TMEM67: variants seen among roughly 807,000 people sequenced by gnomAD.
The protein encoded by TMEM67 is transmembrane protein 67.
A neutral mutation model predicts 136.6 loss-of-function variants in TMEM67; 124 were observed. That is an observed-to-expected ratio of 0.91 (90% CI 0.78 to 1.05). The LOEUF is 1.05. TMEM67 is among the 50% of genes least tolerant of loss of function. The probability of loss-of-function intolerance (pLI) is 0.00; values close to 1 mark genes in which losing one functional copy is unlikely to be tolerated. For synonymous variants in TMEM67, 364 were observed against 390.5 expected, an observed-to-expected ratio of 0.93 and a Z score of 0.80; for missense variants, 1,107 against 1,178.4, an observed-to-expected ratio of 0.94 and a Z score of 0.89.
rs1259660080 is a variant in TMEM67 at position 93,816,314 on chromosome 8, C to T, written c.2908-58C>T. On this transcript the variant is annotated intron_variant, in intron 27 of 27. Coordinates refer to ENST00000453321, the MANE Select transcript of TMEM67 (RefSeq NM_153704.6). ...AATTTAATCTAGATATTTTAATCGA[C>T]GTGCATATTTAATTCTGTTTATATT... 5.3e-5 allele frequency: 42 copies of T among 791,324 alleles called. No individual in the cohort carries two copies. In the Middle Eastern group the frequency reaches 9.3e-4, roughly 18 times the overall value. 49.0% of individuals were successfully genotyped at this position (791,324 alleles called of 1,614,324 possible). A position where few individuals can be genotyped will look rare whatever the true frequency, so the allele number is the denominator to read the frequency against.
At chr8:93,768,978 A>G (rs1813206921) in intron 6 of TMEM67, among the ~76,000 whole-genome samples, 1 of 152,118 alleles carries the variant, frequency 6.6e-6, no homozygotes, top group South Asian at 2.1e-4. Context: ...AAATTAAAAA[A>G]AAAACAAAAC....
intron 6 of TMEM67, among the ~76,000 whole-genome samples, chr8:93,770,222 A>G (rs528771188): frequency 6.6e-6 from 1 of 152,308 alleles, no homozygotes; most frequent in Admixed American, 6.5e-5. Context: ...ATCTCTCTGT[A>G]TATATGTAAA....
chr8:93,799,705 A>T lies in TMEM67; in HGVS notation c.2188A>T (p.Ile730Phe), dbSNP rs776427277. ...TAGCTACATAGCTCCTTATAGCTGC[A>T]TTTTGAGATATGCAGTGTCTGCTGC... is the stretch of plus-strand genomic sequence containing the variant. The part of the protein sequence containing the change: ...PPSYIAPYSC[I>F]LRYAVSAALW... The change falls in exon 21 of 28, where the codon ATT becomes TTT. Residue 730 changes from isoleucine to phenylalanine, a missense_variant. By Grantham distance (21) the Ile-to-Phe change is conservative. This residue lies in a region of TMEM67 where 925 missense variants were observed against 1,002.4 expected (regional missense o/e 0.92). Transcript: ENST00000453321. 6.2e-7 allele frequency: 1 copy of T among 1,613,750 alleles called. No homozygotes were observed. Among genetic ancestry groups the T allele is most frequent in the African/African-American group, 1.3e-5 (1 of 75,032 alleles).
At position 93,803,655 on chromosome 8, in the gene TMEM67, C is replaced by T; in HGVS notation, c.2293C>T (p.Gln765Ter). 1 of 1,601,930 alleles carries T rather than the reference C, an allele frequency of 6.2e-7. No homozygotes were observed. Among genetic ancestry groups the T allele is most frequent in the Non-Finnish European group, 8.6e-7 (1 of 1,169,288 alleles). The change falls in exon 22 of 28, where the codon CAG becomes TAG. Residue 765 changes from glutamine to a stop codon, truncating the protein, a stop_gained. Coordinates refer to ENST00000453321, the MANE Select transcript of TMEM67 (RefSeq NM_153704.6). LOFTEE classifies it high-confidence loss of function. ...GAGATTTATAGAAGATAAAATTCGA[C>T]AGTTCGTTGATTTATGCTCTATGAG... The part of the protein sequence containing the change: ...YERFIEDKIR[Q>*]FVDLCSMSNI...
chr8:93,765,006 C>G (rs1458579674), intron 4 of TMEM67, among the ~76,000 whole-genome samples: 1 of 152,106 alleles, frequency 6.6e-6, no homozygotes, highest in Admixed American at 6.5e-5. Context: ...ATACATTTCT[C>G]TTCGGGTTAT....
chr8:93,799,562 G>T (rs1431289883), intron 20 of TMEM67, 56 bp from the exon 21 acceptor site: 8 of 1,575,734 alleles, frequency 5.1e-6, no homozygotes, highest in Non-Finnish European at 7.0e-6. Flanking sequence ...TTTCAGTCTA[G>T]AGTAGTTTTC....
intron 22 of TMEM67, 45 bp downstream of exon 22, chr8:93,803,729 T>A: frequency 8.6e-7 from 1 of 1,156,804 alleles, no homozygotes; most frequent in Non-Finnish European, 1.3e-6. Flanking sequence ...CTTTCCCTTT[T>A]TAAAGGTCAT....
At chr8:93,758,775 T>C in intron 3 of TMEM67, 199 bp downstream of exon 3, 1 of 555,616 alleles carries the variant, frequency 1.8e-6, no homozygotes, top group Non-Finnish European at 3.2e-6. Flanking sequence ...ATTTTTAAAT[T>C]TTTTGTAGAG....
intron 7 of TMEM67, 122 bp from the exon 8 acceptor site, chr8:93,780,471 G>C (rs745582134): frequency 1.2e-5 from 12 of 990,996 alleles, no homozygotes; most frequent in Non-Finnish European, 1.9e-5. Flanking sequence ...GGGAGCTGCA[G>C]ACCGGAGCTG....
At position 93,755,022 on chromosome 8, in the gene TMEM67, C is replaced by G. The variant is rs2130522054; in HGVS notation, c.108C>G (p.Ala36=). ...LLLFLPRFLQ[A]QTFSFPFQQP... ...TGTTCCTCCCTCGCTTCTTACAGGC[C>G]CAGACCTTCTCTTTCCCTTTCCAGC... Residue 36 remains alanine, a synonymous_variant, in exon 1 of 28, where the codon GCC becomes GCG. Transcript: ENST00000453321. 1.9e-6 allele frequency: 3 copies of G among 1,614,184 alleles called. No individual in the cohort carries two copies. Among genetic ancestry groups the G allele is most frequent in the Non-Finnish European group, 2.5e-6 (3 of 1,180,040 alleles).
At chr8:93,804,976 C>A in intron 23 of TMEM67, 98 bp downstream of exon 23, 1 of 778,734 alleles carries the variant, frequency 1.3e-6, no homozygotes, top group Non-Finnish European at 2.2e-6. Flanking sequence ...TCATTGATAA[C>A]TTTTTTTTCT....
chr8:93,789,616 G>T (rs1212970587), intron 14 of TMEM67, among the ~76,000 whole-genome samples: 1 of 149,632 alleles, frequency 6.7e-6, no homozygotes, highest in African/African-American at 2.5e-5. Context: ...TTGCACTCCA[G>T]CCTGGGCAAC....
chr8:93,805,580 CAAAA>C (rs370408912), intron 23 of TMEM67, among the ~76,000 whole-genome samples: 4 of 58,772 alleles, frequency 6.8e-5, no homozygotes, highest in Admixed American at 1.8e-4. Context: ...GACTCCGTCT[CAAAA>C]AAAAAAAAAA....
At chr8:93,815,897 C>G (rs1172839844) in intron 27 of TMEM67, among the ~76,000 whole-genome samples, 1 of 152,200 alleles carries the variant, frequency 6.6e-6, no homozygotes, top group Non-Finnish European at 1.5e-5. Flanking sequence ...AGTGTGGACC[C>G]TGAAATAGAG....
downstream of TMEM67, among the ~76,000 whole-genome samples, chr8:93,821,021 G>T (rs965478443): frequency 9.9e-4 from 150 of 152,266 alleles, no homozygotes; most frequent in Middle Eastern, 3.4e-3. Flanking sequence ...ATGATCAGTA[G>T]AATGAAGTCC....
At chr8:93,786,072 TA>T in intron 12 of TMEM67, 150 bp from the exon 13 acceptor site, 20 of 712,564 alleles carry the variant, frequency 2.8e-5, no homozygotes, top group Non-Finnish European at 3.0e-5. Context: ...AGACCCTGTC[TA>T]AAAAAAACAA....
chr8:93,819,299 C>T (rs1289416817), downstream of TMEM67: 2 of 406,884 alleles, frequency 4.9e-6, no homozygotes, highest in African/African-American at 4.2e-5. Context: ...CCTCAGCCAC[C>T]CCCAGCTCTG....
the TMEM67 span, among the ~76,000 whole-genome samples, chr8:93,826,970 C>T: frequency 6.6e-6 from 1 of 152,160 alleles, no homozygotes; most frequent in Non-Finnish European, 1.5e-5. Context: ...GCTGAGATTA[C>T]AGGCACGTGC....
chr8:93,809,757 G>A, intron 25 of TMEM67, 28 bp from the exon 26 acceptor site: 1 of 1,307,554 alleles, frequency 7.6e-7, no homozygotes, highest in Non-Finnish European at 1.1e-6. Flanking sequence ...TACTGTTTGT[G>A]AAATGATGCT....
Sources: gnomAD v4.1 joint callset for allele counts (sites outside exome capture counted in the v4.1 genomes callset) on GRCh38, gnomAD v4.1.1 for gene constraint, gnomAD v4.1.1 regional missense constraint, MANE v1.5 for transcripts, NCBI Gene and HGNC (gene_info 2026-07-23, HGNC 2026-07-21) for gene names.